Variants in GRM7 observed in about 807,000 individuals in gnomAD.
GRM7 encodes the protein metabotropic glutamate receptor 7.
In GRM7, 35 loss-of-function variants were observed where a neutral mutation model predicts 84.5. That is an observed-to-expected ratio of 0.41 (90% CI 0.32 to 0.55). The LOEUF is 0.55. Ranked by LOEUF, GRM7 falls within the 20% of genes least tolerant of loss-of-function variation. GRM7 has a pLI of 0.19. For missense variants in GRM7, 1,003 were observed against 1,194.6 expected, an observed-to-expected ratio of 0.84 and a Z score of 2.36; for synonymous variants, 487 against 455.1, an observed-to-expected ratio of 1.07 and a Z score of -0.89.
intron 2 of GRM7, among the ~76,000 whole-genome samples, chr3:7,154,685 G>C (rs556131349): frequency 6.6e-6 from 1 of 152,218 alleles, no homozygotes; most frequent in African/African-American, 2.4e-5. Context: ...GAATTTTATT[G>C]AGCCATGGAA....
Position 7,415,014 on chromosome 3 carries a change from T to G in GRM7, c.1034-9T>G. 1 of 1,606,464 alleles carries G rather than the reference T, an allele frequency of 6.2e-7. No homozygotes were observed. The highest frequency in any genetic ancestry group is 8.5e-7 in the Non-Finnish European group (1 of 1,175,520). ...GCAAGCAATGACCTTTTCATTTAAC[T>G]CTGTTTAGGGTTTGATGCCTACTTT... On this transcript the variant is annotated splice_polypyrimidine_tract_variant and intron_variant, in intron 4 of 9. Transcript: ENST00000357716.
intron 1 of GRM7, among the ~76,000 whole-genome samples, chr3:7,017,666 A>G (rs994360369): frequency 1.3e-5 from 2 of 152,166 alleles, no homozygotes; most frequent in African/African-American, 2.4e-5. Context: ...AACTATACTG[A>G]CACCTGGGCC....
At chr3:6,936,393 G>A (rs1486891331) in intron 1 of GRM7, among the ~76,000 whole-genome samples, 7 of 152,152 alleles carry the variant, frequency 4.6e-5, no homozygotes, top group Admixed American at 2.0e-4. Flanking sequence ...TACCGGTGTG[G>A]CACCACAGAA....
At chr3:7,650,165 T>C (rs370658411) in intron 8 of GRM7, among the ~76,000 whole-genome samples, 36 of 152,162 alleles carry the variant, frequency 2.4e-4, no homozygotes, top group African/African-American at 8.4e-4. Flanking sequence ...TCGAGGTTAA[T>C]GCTATTAAGT....
chr3:7,250,167 A>G (rs1459933795), intron 2 of GRM7, among the ~76,000 whole-genome samples: 1 of 152,240 alleles, frequency 6.6e-6, no homozygotes, highest in Non-Finnish European at 1.5e-5. Context: ...AGATATCCCT[A>G]AATAATCAGA....
chr3:7,031,350 C>T (rs533923004), intron 1 of GRM7, among the ~76,000 whole-genome samples: 158 of 152,154 alleles, frequency 1.0e-3, no homozygotes, highest in Non-Finnish European at 1.7e-3. Flanking sequence ...CCACCGTGAA[C>T]TTCCTTGAAT....
intron 2 of GRM7, among the ~76,000 whole-genome samples, chr3:7,236,415 C>T (rs1697349356): frequency 6.6e-6 from 1 of 152,140 alleles, no homozygotes; most frequent in Admixed American, 6.5e-5. Context: ...TGGTTATGGT[C>T]CTAATTTTAC....
chr3:7,139,459 T>C (rs977219455), intron 1 of GRM7, among the ~76,000 whole-genome samples: 4 of 151,912 alleles, frequency 2.6e-5, no homozygotes, highest in African/African-American at 9.7e-5. Context: ...TTCTAAAAAG[T>C]ACTGATTTAA....
intron 7 of GRM7, among the ~76,000 whole-genome samples, chr3:7,525,927 T>C (rs905106967): frequency 3.3e-5 from 5 of 152,176 alleles, no homozygotes; most frequent in Admixed American, 3.3e-4. Flanking sequence ...ATGGCATATA[T>C]GTTACGTACC....
chr3:7,589,695 T>C (rs1167377671), intron 8 of GRM7, among the ~76,000 whole-genome samples: 7 of 152,182 alleles, frequency 4.6e-5, no homozygotes, highest in African/African-American at 4.8e-5. Flanking sequence ...GGAATCATCA[T>C]TGGATTTTCC....
intron 5 of GRM7, among the ~76,000 whole-genome samples, chr3:7,425,087 C>A (rs1696551542): frequency 6.6e-6 from 1 of 152,158 alleles, no homozygotes; most frequent in Non-Finnish European, 1.5e-5. Context: ...GATACTTTCT[C>A]ATTTTTCGGT....
chr3:7,269,869 C>A (rs1041542564), intron 2 of GRM7, among the ~76,000 whole-genome samples: 1 of 152,272 alleles, frequency 6.6e-6, no homozygotes, highest in South Asian at 2.1e-4. Context: ...GGCATTTTTA[C>A]TCCTGCTGTT....
intron 1 of GRM7, among the ~76,000 whole-genome samples, chr3:6,961,927 A>G (rs498764): frequency 0.33 from 49,637 of 151,958 alleles, 9,112 homozygotes; most frequent in African/African-American, 0.51. Flanking sequence ...AATAAAATAA[A>G]CTAACTACAA....
intron 1 of GRM7, among the ~76,000 whole-genome samples, chr3:7,017,516 T>C (rs747139429): frequency 6.6e-6 from 1 of 152,224 alleles, no homozygotes. Context: ...TAGTCTTAGA[T>C]GCTCAGAAGT....
At chr3:7,080,979 G>C (rs552147824) in intron 1 of GRM7, among the ~76,000 whole-genome samples, 2 of 151,946 alleles carry the variant, frequency 1.3e-5, no homozygotes, top group Non-Finnish European at 2.9e-5. Context: ...CAGTCATAAA[G>C]ACTTCAGGTG....
chr3:7,519,785 T>C (rs1027312269), intron 7 of GRM7: 3 of 152,218 alleles, frequency 2.0e-5, no homozygotes, highest in Admixed American at 1.3e-4. Context: ...TTAGTGGGGA[T>C]AACTTGTCTT....
chr3:7,041,234 A>G (rs79000042), intron 1 of GRM7, among the ~76,000 whole-genome samples: 4 of 152,322 alleles, frequency 2.6e-5, no homozygotes, highest in African/African-American at 9.6e-5. Flanking sequence ...CACAATCAAG[A>G]TAACAAGCAT....
At chr3:6,930,858 G>T (rs1043493001) in intron 1 of GRM7, among the ~76,000 whole-genome samples, 3 of 152,168 alleles carry the variant, frequency 2.0e-5, no homozygotes, top group Non-Finnish European at 4.4e-5. Flanking sequence ...TATACTAGCT[G>T]CTGGCCCATG....
intron 2 of GRM7, among the ~76,000 whole-genome samples, chr3:7,186,289 T>A (rs1248680596): frequency 6.6e-6 from 1 of 152,238 alleles, no homozygotes; most frequent in East Asian, 1.9e-4. Flanking sequence ...AAAATTTGAG[T>A]GCTTAGCACA....
Sources: gnomAD v4.1 joint callset for allele counts (sites outside exome capture counted in the v4.1 genomes callset) on GRCh38, gnomAD v4.1.1 for gene constraint, MANE v1.5 for transcripts, NCBI Gene and HGNC (gene_info 2026-07-23, HGNC 2026-07-21) for gene names.